The following GPC5 variants were observed in gnomAD, a reference collection of about 807,000 sequenced individuals.
The protein encoded by GPC5 is glypican 5, also known as glypican-5.
GPC5 carries 47 observed loss-of-function variants against 53.9 expected under a neutral mutation model. That is an observed-to-expected ratio of 0.87 (90% CI 0.69 to 1.11). The LOEUF (loss-of-function observed/expected upper bound fraction) is 1.11. GPC5 is among the 50% of genes most tolerant of loss of function. The pLI is 0.00. For missense variants in GPC5, 748 were observed against 713.1 expected (o/e 1.05, Z -0.56); for synonymous variants, 286 against 263.3 (o/e 1.09, Z -0.84).
Position 91,464,291 on chromosome 13 carries a change from T to A in GPC5, c.325+15369T>A, listed in dbSNP as rs139147516. On this transcript the variant is annotated intron_variant, in intron 2 of 7. Transcript: ENST00000377067. ...AGGCACTGTTCATGGTAATATAAAA[T>A]GGCACAGTCTGGAAAACAGTTGGCA... Among the ~76,000 whole-genome samples, 1,260 of 152,242 alleles carry A rather than the reference T, an allele frequency of 8.3e-3. 9 individuals carry two copies. The highest frequency in any genetic ancestry group is 0.012 in the Non-Finnish European group (813 of 67,994).
intron 2 of GPC5, among the ~76,000 whole-genome samples, chr13:91,652,720 G>A (rs3852115): frequency 0.2 from 30,205 of 152,076 alleles, 4,603 homozygotes; most frequent in African/African-American, 0.41. Flanking sequence ...CCAGTTGACC[G>A]TGGTAACTGA....
intron 7 of GPC5, among the ~76,000 whole-genome samples, chr13:92,762,236 C>T (rs1875212418): frequency 2.0e-5 from 3 of 151,782 alleles, no homozygotes; most frequent in South Asian, 2.1e-4. Context: ...TTAAGAAATA[C>T]ATAATATAAA....
chr13:92,815,834 G>A (rs1877454224), intron 7 of GPC5, among the ~76,000 whole-genome samples: 1 of 151,898 alleles, frequency 6.6e-6, no homozygotes, highest in Admixed American at 6.6e-5. Context: ...TTGGAACCGA[G>A]TCACTATTGA....
intron 7 of GPC5, among the ~76,000 whole-genome samples, chr13:92,541,824 T>C (rs1881939733): frequency 6.6e-6 from 1 of 151,960 alleles, no homozygotes; most frequent in Admixed American, 6.6e-5. Context: ...TCAAGTTTCA[T>C]TTTAATTTTT....
intron 3 of GPC5, 118 bp downstream of exon 3, chr13:91,693,999 T>G: frequency 1.3e-6 from 1 of 783,690 alleles, no homozygotes; most frequent in Middle Eastern, 3.1e-4. Context: ...AAGATATTAT[T>G]TTTTTATATC....
At chr13:91,647,379 T>C (rs1255161220) in intron 2 of GPC5, among the ~76,000 whole-genome samples, 1 of 152,232 alleles carries the variant, frequency 6.6e-6, no homozygotes, top group Non-Finnish European at 1.5e-5. Context: ...AAAAGTTATC[T>C]CTGAATGTTT....
chr13:92,521,002 A>G (rs182354441), intron 7 of GPC5, among the ~76,000 whole-genome samples: 52 of 152,340 alleles, frequency 3.4e-4, no homozygotes, highest in Admixed American at 2.1e-3. Flanking sequence ...AGAGAGCCAA[A>G]TCATGAGTGA....
chr13:92,343,463 T>C (rs1594115444), intron 7 of GPC5, among the ~76,000 whole-genome samples: 1 of 152,224 alleles, frequency 6.6e-6, no homozygotes, highest in East Asian at 1.9e-4. Context: ...CTTTATGGTA[T>C]ATTACTATTT....
chr13:92,525,566 A>G (rs1339266205), intron 7 of GPC5, among the ~76,000 whole-genome samples: 1 of 151,866 alleles, frequency 6.6e-6, no homozygotes, highest in Non-Finnish European at 1.5e-5. Flanking sequence ...AATGGCAGAA[A>G]GTTAAATGTT....
At chr13:91,413,075 A>C (rs1044160748) in intron 1 of GPC5, among the ~76,000 whole-genome samples, 5 of 152,210 alleles carry the variant, frequency 3.3e-5, no homozygotes, top group African/African-American at 1.2e-4. Flanking sequence ...TGAGCTCAGA[A>C]GTTCAAGACC....
intron 7 of GPC5, among the ~76,000 whole-genome samples, chr13:92,471,416 A>G (rs1027500635): frequency 2.0e-5 from 3 of 152,098 alleles, no homozygotes; most frequent in Admixed American, 6.6e-5. Context: ...ACACCAGGAA[A>G]GAAAGGGAAG....
chr13:92,529,436 T>A (rs909236698), intron 7 of GPC5, among the ~76,000 whole-genome samples: 1 of 152,200 alleles, frequency 6.6e-6, no homozygotes, highest in East Asian at 1.9e-4. Context: ...ATAATAAACA[T>A]ATTTTTACAT....
chr13:91,640,173 A>G lies in GPC5; in HGVS notation c.326-53014A>G, dbSNP rs191513081. Among the ~76,000 whole-genome samples the G allele has an allele frequency of 4.6e-5, 7 of 152,328 alleles. No individual in the cohort carries two copies. In the East Asian group the frequency reaches 1.3e-3, roughly 29 times the overall value. ...AAATACAGAGAGATTCCGCATAGCA[A>G]AAGAAACTATCATTGGAGTGAACAG... is the stretch of plus-strand genomic sequence containing the variant. On this transcript the variant is annotated intron_variant, in intron 2 of 7. Transcript: ENST00000377067.
intron 7 of GPC5, among the ~76,000 whole-genome samples, chr13:92,549,663 A>AAT (rs1379270303): frequency 2.6e-5 from 4 of 152,074 alleles, no homozygotes; most frequent in African/African-American, 9.7e-5. Context: ...CTTCAAGAAA[A>AAT]ATAACAACAA....
chr13:91,986,291 T>A (rs2138725841), intron 6 of GPC5, among the ~76,000 whole-genome samples: 1 of 151,970 alleles, frequency 6.6e-6, no homozygotes, highest in African/African-American at 2.4e-5. Flanking sequence ...GGTCTCAGTC[T>A]CCTAACCTCG....
At chr13:92,417,244 AC>A (rs1475061029) in intron 7 of GPC5, among the ~76,000 whole-genome samples, 1 of 152,264 alleles carries the variant, frequency 6.6e-6, no homozygotes, top group Admixed American at 6.5e-5. Flanking sequence ...ACCAATAAAC[AC>A]ATGAAATATG....
chr13:92,011,312 C>A (rs2040659741), intron 6 of GPC5, among the ~76,000 whole-genome samples: 1 of 152,128 alleles, frequency 6.6e-6, no homozygotes, highest in Non-Finnish European at 1.5e-5. Context: ...TCATTTGTAG[C>A]TGTTAACATG....
At chr13:92,481,473 T>C (rs1879353744) in intron 7 of GPC5, among the ~76,000 whole-genome samples, 1 of 152,144 alleles carries the variant, frequency 6.6e-6, no homozygotes. Context: ...CAAACATGTA[T>C]GCGCAAAAAG....
chr13:91,496,360 A>G (rs1884263037), intron 2 of GPC5, among the ~76,000 whole-genome samples: 1 of 152,212 alleles, frequency 6.6e-6, no homozygotes, highest in Non-Finnish European at 1.5e-5. Context: ...CACAATGGCT[A>G]AGATTGGGAA....
Sources: allele counts gnomAD v4.1 joint callset (sites outside exome capture counted in the v4.1 genomes callset), GRCh38; gene constraint gnomAD v4.1.1; transcripts MANE v1.5; gene names NCBI Gene and HGNC (gene_info 2026-07-23, HGNC 2026-07-21).